Variants in FGF12 observed in about 807,000 individuals in gnomAD.
The protein encoded by FGF12 is fibroblast growth factor 12.
FGF12 carries 14 observed loss-of-function variants against 23.6 expected under a neutral mutation model. That is an observed-to-expected ratio of 0.59 (90% CI 0.39 to 0.93). The LOEUF (loss-of-function observed/expected upper bound fraction) is 0.93, where lower values mean the gene tolerates loss of function less well. Ranked by LOEUF, FGF12 falls within the 40% of genes least tolerant of loss-of-function variation. The pLI is 0.00. For synonymous variants in FGF12, 62 were observed against 77.3 expected (o/e 0.80, Z 1.04); for missense variants, 175 against 217.8 (o/e 0.80, Z 1.24).
rs1433762230 is a variant in FGF12, at chr3:192,669,063, G to C, written c.13+58118C>G. Among the ~76,000 whole-genome samples, 4 of 152,066 alleles carry C rather than the reference G, an allele frequency of 2.6e-5. No homozygotes were observed. In the East Asian group the frequency reaches 7.7e-4, roughly 29 times the overall value. ...AAAATTGTTAGAGCATAAAAGAATAGGCAAGCAAACAAGATAAGATTTTTA... is the reference window on the plus strand; with the variant it reads ...AAAATTGTTAGAGCATAAAAGAATACGCAAGCAAACAAGATAAGATTTTTA... On this transcript the variant is annotated intron_variant, in intron 2 of 5. Transcript: ENST00000445105.
At chr3:192,394,254 G>T (rs922595530) in intron 2 of FGF12, among the ~76,000 whole-genome samples, 1 of 152,114 alleles carries the variant, frequency 6.6e-6, no homozygotes, top group Non-Finnish European at 1.5e-5. Flanking sequence ...TTATGTAATG[G>T]TCTACCTTGA....
intron 2 of FGF12, among the ~76,000 whole-genome samples, chr3:192,648,814 T>C (rs1472233916): frequency 6.6e-6 from 1 of 152,180 alleles, no homozygotes; most frequent in East Asian, 1.9e-4. Context: ...AGGTAAGGCT[T>C]TCCATTGAGT....
chr3:192,362,091 A>G (rs1190884529), intron 2 of FGF12, among the ~76,000 whole-genome samples: 1 of 152,184 alleles, frequency 6.6e-6, no homozygotes, highest in East Asian at 1.9e-4. Context: ...CACTTTGAGC[A>G]CATTAGAATC....
intron 4 of FGF12, among the ~76,000 whole-genome samples, chr3:192,332,427 T>A (rs958902158): frequency 4.0e-5 from 6 of 151,852 alleles, no homozygotes; most frequent in African/African-American, 1.2e-4. Flanking sequence ...AAAGGAAATT[T>A]AAAAAAATAC....
chr3:192,373,637 G>T (rs990002038), intron 2 of FGF12, among the ~76,000 whole-genome samples: 2 of 152,120 alleles, frequency 1.3e-5, no homozygotes, highest in Non-Finnish European at 1.5e-5. Flanking sequence ...CACATACACT[G>T]TAAATATGTA....
At chr3:192,224,257 T>C (rs763184602) in intron 4 of FGF12, among the ~76,000 whole-genome samples, 4 of 152,168 alleles carry the variant, frequency 2.6e-5, no homozygotes, top group Admixed American at 6.6e-5. Flanking sequence ...GTGATGATGA[T>C]GATGATAATG....
rs1418122971 is a variant in FGF12 at position 192,522,091 on chromosome 3, G to A, written c.14-161553C>T. ...CGGGCGCCTGTAGTCCCAGCTACTC[G>A]GGAGGCTGAGGCAGGAGAATGGCGT... On this transcript the variant is annotated intron_variant, in intron 2 of 5. Coordinates refer to ENST00000445105, the MANE Select transcript of FGF12 (RefSeq NM_004113.6). 3.3e-5 allele frequency among the ~76,000 whole-genome samples: 5 copies of A among 151,966 alleles called. No individual in the cohort carries two copies. The East Asian group carries it at 9.7e-4, about 30-fold the overall frequency.
chr3:192,231,064 T>G (rs978485691), intron 4 of FGF12, among the ~76,000 whole-genome samples: 2 of 152,192 alleles, frequency 1.3e-5, no homozygotes, highest in South Asian at 4.1e-4. Context: ...TGTGAAAAAC[T>G]TAAAGTTCAC....
Position 192,690,759 on chromosome 3 carries a change from G to A in FGF12, c.13+36422C>T, listed in dbSNP as rs115371447. On this transcript the variant is annotated intron_variant, in intron 2 of 5. Transcript: ENST00000445105. The stretch of plus-strand genomic sequence containing the variant: ...ATTTGTCAATCAAAAGACATAGAGT[G>A]GATAAATTATTTAAAAAAGACAAGA... Among the ~76,000 whole-genome samples the A allele has an allele frequency of 2.9e-3, 446 of 151,978 alleles. 2 individuals are homozygous for A. Among genetic ancestry groups the A allele is most frequent in the African/African-American group, 0.01 (421 of 41,490 alleles).
chr3:192,170,895 C>T (rs76557545), intron 4 of FGF12, among the ~76,000 whole-genome samples: 1 of 152,134 alleles, frequency 6.6e-6, no homozygotes, highest in Non-Finnish European at 1.5e-5. Context: ...CTTGAAGCTA[C>T]GTTAAAATCA....
intron 2 of FGF12, among the ~76,000 whole-genome samples, chr3:192,520,774 T>C (rs1298754245): frequency 1.3e-5 from 2 of 152,212 alleles, no homozygotes; most frequent in Non-Finnish European, 2.9e-5. Context: ...CCTCTTTTTT[T>C]CCACTTATTT....
In FGF12 at chr3:192,665,788, T is replaced by TC. The variant is rs1553845384; in HGVS notation, c.13+61392_13+61393insG. Among the ~76,000 whole-genome samples, 13 of 151,788 alleles carry TC rather than the reference T, an allele frequency of 8.6e-5. 1 individual carries two copies. In the East Asian group the frequency reaches 2.5e-3, roughly 29 times the overall value. On this transcript the variant is annotated intron_variant, in intron 2 of 5. Transcript: ENST00000445105. Reference sequence around the variant, plus strand: ...ATCCCAGAACTTAAAGTAAAATTTTTAAAAAAAGAATATGCCTTATCTAAG... The same window carrying TC: ...ATCCCAGAACTTAAAGTAAAATTTTTCAAAAAAAGAATATGCCTTATCTAAG...
intron 4 of FGF12, among the ~76,000 whole-genome samples, chr3:192,226,377 C>A (rs1409245584): frequency 6.6e-6 from 1 of 152,084 alleles, no homozygotes; most frequent in African/African-American, 2.4e-5. Flanking sequence ...TTGTATGTAG[C>A]AATCTCCATT....
At chr3:192,714,656 C>T (rs1239949991) in intron 2 of FGF12, among the ~76,000 whole-genome samples, 1 of 150,334 alleles carries the variant, frequency 6.7e-6, no homozygotes, top group African/African-American at 2.4e-5. Flanking sequence ...GTAGCTGGGA[C>T]TACAGGCGCC....
At chr3:192,705,838 T>C (rs987918785) in intron 2 of FGF12, among the ~76,000 whole-genome samples, 4 of 152,236 alleles carry the variant, frequency 2.6e-5, no homozygotes, top group African/African-American at 9.6e-5. Context: ...TAAGCCATGT[T>C]GCTTTCTACA....
At chr3:192,175,749 C>T (rs1445884252) in intron 4 of FGF12, among the ~76,000 whole-genome samples, 7 of 152,152 alleles carry the variant, frequency 4.6e-5, no homozygotes, top group African/African-American at 1.4e-4. Flanking sequence ...TGGAATCCTA[C>T]GTAAGCCCAA....
At chr3:192,641,030 C>G (rs1035124700) in intron 2 of FGF12, among the ~76,000 whole-genome samples, 12 of 151,350 alleles carry the variant, frequency 7.9e-5, no homozygotes, top group African/African-American at 2.9e-4. Context: ...AGGATGGTCT[C>G]AATGATCCAC....
intron 4 of FGF12, among the ~76,000 whole-genome samples, chr3:192,215,316 G>A (rs961875863): frequency 6.6e-6 from 1 of 152,182 alleles, no homozygotes; most frequent in Non-Finnish European, 1.5e-5. Context: ...GAAGAAGGGA[G>A]AGAGGAGAAA....
chr3:192,141,387 A>G lies in FGF12; in HGVS notation c.*2622T>C, dbSNP rs1340122708. The G allele has an allele frequency of 1.3e-5, 2 of 152,014 alleles. No individual in the cohort carries two copies. The highest frequency in any genetic ancestry group is 4.8e-5 in the African/African-American group (2 of 41,440). The allele number at this position is 152,014 out of a possible 1,614,324, so 9.4% of individuals were successfully genotyped here. ...GTTTTCATGTACTTGAGAAGTAAGC[A>G]GGAGTTAAGCAAACATTCACCCTTT... On this transcript the variant is annotated 3_prime_UTR_variant, in exon 6 of 6. Coordinates refer to ENST00000445105, the MANE Select transcript of FGF12 (RefSeq NM_004113.6).
Sources: allele counts gnomAD v4.1 joint callset (sites outside exome capture counted in the v4.1 genomes callset), GRCh38; gene constraint gnomAD v4.1.1; transcripts MANE v1.5; gene names NCBI Gene and HGNC (gene_info 2026-07-23, HGNC 2026-07-21).